The following ANXA11 variants were observed in gnomAD, a reference collection of about 807,000 sequenced individuals.
The protein encoded by ANXA11 is annexin A11.
Under a neutral mutation model 64.7 loss-of-function variants are expected in ANXA11, and 57 were observed. The ratio of observed to expected loss-of-function variants is 0.88; its 90% CI spans 0.71 to 1.10. ANXA11 has a LOEUF of 1.10. Ranked by LOEUF, ANXA11 falls within the 50% of genes least tolerant of loss-of-function variation. The pLI, the probability that ANXA11 is intolerant of heterozygous loss-of-function variation, is 0.00. For synonymous variants in ANXA11, 260 were observed against 265.2 expected, an observed-to-expected ratio of 0.98 and a Z score of 0.19; for missense variants, 675 against 670.7, an observed-to-expected ratio of 1.01 and a Z score of -0.07.
chr10:80,196,601 G>C (rs894030460), intron 1 of ANXA11, among the ~76,000 whole-genome samples: 1 of 152,160 alleles, frequency 6.6e-6, no homozygotes, highest in African/African-American at 2.4e-5. Flanking sequence ...TACTGAGAAG[G>C]GGGTGGGGGC....
At chr10:80,190,643 G>A (rs1375216352) in intron 1 of ANXA11, among the ~76,000 whole-genome samples, 2 of 151,286 alleles carry the variant, frequency 1.3e-5, no homozygotes, top group Non-Finnish European at 3.0e-5. Flanking sequence ...CCGCCACCGC[G>A]CCCAGCTAGT....
Position 80,169,176 on chromosome 10 carries a change from G to A in ANXA11, c.354C>T (p.Pro118=). 5.0e-6 allele frequency: 8 copies of A among 1,594,312 alleles called. No individual in the cohort carries two copies. The highest frequency in any genetic ancestry group is 6.8e-6 in the Non-Finnish European group (8 of 1,171,946). Residue 118 remains proline, a synonymous_variant, in exon 5 of 16, where the codon CCC becomes CCT. Transcript: ENST00000422982. ...GGGCCCCTGGGTATGGCGGATATGAGGGCATCCTGGAGGGTGGGTTTCCTC... is the reference window on the plus strand; with the variant it reads ...GGGCCCCTGGGTATGGCGGATATGAAGGCATCCTGGAGGGTGGGTTTCCTC... ...PPGGNPPSRM[P]SYPPYPGAPV...
chr10:80,191,611 G>T (rs1846779197), intron 1 of ANXA11, among the ~76,000 whole-genome samples: 1 of 151,928 alleles, frequency 6.6e-6, no homozygotes, highest in South Asian at 2.1e-4. Flanking sequence ...CCTTTCCAAC[G>T]GCACAAGGAG....
At chr10:80,174,803 C>T (rs1010390610) in intron 2 of ANXA11, among the ~76,000 whole-genome samples, 29 of 152,114 alleles carry the variant, frequency 1.9e-4, no homozygotes, top group African/African-American at 6.3e-4. Flanking sequence ...GTGATCTGCC[C>T]GCTGCGGCCT....
At position 80,188,511 on chromosome 10, in the gene ANXA11, A is replaced by ATATATATATATATATATATATATG. The variant is rs1554834982; in HGVS notation, c.-57-12357_-57-12356insCATATATATATATATATATATATA. The stretch of plus-strand genomic sequence containing the variant: ...TATATATATATATATATATATATAT[A>ATATATATATATATATATATATATG]GCACTACAACAGGTATTAGCACACA... On this transcript the variant is annotated intron_variant, in intron 1 of 15. Coordinates refer to ENST00000422982, the MANE Select transcript of ANXA11 (RefSeq NM_145868.2). Among the ~76,000 whole-genome samples the ATATATATATATATATATATATATG allele has an allele frequency of 1.5e-3, 189 of 126,430 alleles. 6 individuals carry two copies. The highest frequency in any genetic ancestry group is 2.5e-3 in the East Asian group (11 of 4,358). The allele number at this position is 126,430 out of a possible 152,430, so 82.9% of individuals were successfully genotyped here.
intron 1 of ANXA11, among the ~76,000 whole-genome samples, chr10:80,189,222 A>G (rs1846670086): frequency 6.6e-6 from 1 of 152,154 alleles, no homozygotes; most frequent in African/African-American, 2.4e-5. Context: ...GAAGAATAAG[A>G]AGGACAGAGT....
intron 15 of ANXA11, chr10:80,156,992 G>A (rs1311639072): frequency 2.7e-5 from 27 of 985,302 alleles, no homozygotes; most frequent in Non-Finnish European, 3.3e-5. Context: ...AGCTGAGAAT[G>A]TATTTTGTCA....
chr10:80,196,609 G>A (rs191944635), intron 1 of ANXA11, among the ~76,000 whole-genome samples: 5 of 152,222 alleles, frequency 3.3e-5, no homozygotes, highest in East Asian at 1.9e-4. Flanking sequence ...AGGGGGTGGG[G>A]GCCCTGGGCG....
chr10:80,177,657 A>G (rs1846219176), intron 1 of ANXA11, among the ~76,000 whole-genome samples: 1 of 152,114 alleles, frequency 6.6e-6, no homozygotes, highest in African/African-American at 2.4e-5. Context: ...TTCAACATCA[A>G]ACACTAGGCA....
rs1352247341 is a variant in ANXA11, at chr10:80,153,919, C to T, written c.*1934G>A. ...GCAGGCTTGATCTAGCCTAGTCTCT[C>T]TGGATTCTCCCATTTCTTTTTGTTT... On this transcript the variant is annotated 3_prime_UTR_variant, in exon 16 of 16. Coordinates refer to ENST00000422982, the MANE Select transcript of ANXA11 (RefSeq NM_145868.2). 5 of 152,286 alleles carry T rather than the reference C, an allele frequency of 3.3e-5. No homozygotes were observed. The highest frequency in any genetic ancestry group is 1.2e-4 in the African/African-American group (5 of 41,454). The allele number at this position is 152,286 out of a possible 1,614,324, so 9.4% of individuals were successfully genotyped here.
intron 5 of ANXA11, among the ~76,000 whole-genome samples, chr10:80,167,542 G>A (rs1056854775): frequency 4.1e-4 from 63 of 152,194 alleles, no homozygotes; most frequent in Non-Finnish European, 1.5e-5. Context: ...GTGGCTGGGA[G>A]CTCACCTATA....
intron 1 of ANXA11, among the ~76,000 whole-genome samples, chr10:80,178,218 T>G (rs983854946): frequency 6.6e-6 from 1 of 151,534 alleles, no homozygotes; most frequent in African/African-American, 2.4e-5. Context: ...CTGCTCTCTC[T>G]CTCTCTCTCT....
chr10:80,167,841 G>A (rs919129625), intron 5 of ANXA11, among the ~76,000 whole-genome samples: 6 of 152,144 alleles, frequency 3.9e-5, no homozygotes, highest in African/African-American at 7.2e-5. Flanking sequence ...AGCATCTGCC[G>A]GACTTCCTCC....
intron 1 of ANXA11, among the ~76,000 whole-genome samples, chr10:80,198,283 T>C (rs573862154): frequency 6.6e-6 from 1 of 152,356 alleles, no homozygotes; most frequent in African/African-American, 2.4e-5. Context: ...AAACTTCTGA[T>C]TGTCCTCCTC....
chr10:80,170,669 C>T, intron 4 of ANXA11, 131 bp downstream of exon 4: 1 of 588,068 alleles, frequency 1.7e-6, no homozygotes, highest in South Asian at 5.9e-5. Flanking sequence ...TTCTAAGGTA[C>T]AGCTCAACAC....
chr10:80,161,581 A>C (rs1159714457), intron 12 of ANXA11, among the ~76,000 whole-genome samples: 1 of 152,250 alleles, frequency 6.6e-6, no homozygotes, highest in Non-Finnish European at 1.5e-5. Context: ...ACATCTGTTG[A>C]ATGAATGAGT....
chr10:80,184,224 G>A (rs1424002368), intron 1 of ANXA11, among the ~76,000 whole-genome samples: 1 of 151,972 alleles, frequency 6.6e-6, no homozygotes, highest in African/African-American at 2.4e-5. Context: ...TAAATGTTAG[G>A]AACTTTAAAT....
intron 12 of ANXA11, among the ~76,000 whole-genome samples, chr10:80,160,196 GTAA>G (rs1451578952): frequency 2.0e-5 from 3 of 152,202 alleles, no homozygotes; most frequent in African/African-American, 7.2e-5. Context: ...TTTCTCCTAA[GTAA>G]TAATGTTTGT....
At chr10:80,201,262 G>A (rs1337733496) in intron 1 of ANXA11, among the ~76,000 whole-genome samples, 1 of 152,092 alleles carries the variant, frequency 6.6e-6, no homozygotes, top group Non-Finnish European at 1.5e-5. Flanking sequence ...GACTCACCCT[G>A]GCCCCTGGGA....
Sources: allele counts gnomAD v4.1 joint callset (sites outside exome capture counted in the v4.1 genomes callset), GRCh38; gene constraint gnomAD v4.1.1; transcripts MANE v1.5; gene names NCBI Gene and HGNC (gene_info 2026-07-23, HGNC 2026-07-21).